PTGIR: variants seen among roughly 807,000 people sequenced by gnomAD.
PTGIR encodes the protein prostacyclin receptor.
Under a neutral mutation model 17.6 loss-of-function variants are expected in PTGIR, and 16 were observed. That is an observed-to-expected ratio of 0.91 (90% CI 0.61 to 1.38). The LOEUF (loss-of-function observed/expected upper bound fraction) is 1.38. PTGIR is among the 40% of genes most tolerant of loss of function. PTGIR has a pLI of 0.00. For synonymous variants in PTGIR, 274 were observed against 255.4 expected, an observed-to-expected ratio of 1.07 and a Z score of -0.69; for missense variants, 532 against 548.6, an observed-to-expected ratio of 0.97 and a Z score of 0.30.
At chr19:46,620,243 G>A (rs943146663), downstream of PTGIR, among the ~76,000 whole-genome samples, 21 of 152,142 alleles carry the variant, frequency 1.4e-4, no homozygotes, top group Non-Finnish European at 1.6e-4. Context: ...GGGACTACAG[G>A]TGTGCACCAC....
chr19:46,617,681 G>A (rs1306305540), downstream of PTGIR, among the ~76,000 whole-genome samples: 2 of 152,246 alleles, frequency 1.3e-5, no homozygotes, highest in East Asian at 3.9e-4. Flanking sequence ...ACAGAGAGAG[G>A]AGGTGAGCAC....
At chr19:46,617,422 G>C (rs1477027814), downstream of PTGIR, among the ~76,000 whole-genome samples, 1 of 152,156 alleles carries the variant, frequency 6.6e-6, no homozygotes, top group Non-Finnish European at 1.5e-5. Flanking sequence ...AGACACCCAG[G>C]TCAGAGGTGG....
At chr19:46,624,375 G>A in intron 1 of PTGIR, 138 bp from the exon 2 acceptor site, 2 of 676,680 alleles carry the variant, frequency 3.0e-6, no homozygotes, top group East Asian at 3.2e-5. Context: ...GTGTGTGCGG[G>A]TATGCAGTCC....
the PTGIR span, among the ~76,000 whole-genome samples, chr19:46,613,106 T>C: frequency 2.8e-5 from 4 of 141,600 alleles, no homozygotes; most frequent in South Asian, 9.3e-4. Flanking sequence ...TGCAATGGCA[T>C]GATCTCGGTT....
chr19:46,614,819 G>A, the PTGIR span, among the ~76,000 whole-genome samples: 2 of 152,212 alleles, frequency 1.3e-5, no homozygotes, highest in Non-Finnish European at 2.9e-5. Context: ...TCAGGAGTTC[G>A]AGACCAGCCT....
chr19:46,623,940 C>T lies in PTGIR; in HGVS notation c.286G>A (p.Ala96Thr), dbSNP rs926892602. Reference protein sequence around the residue: ...RGGPALCDAFAFAMTFFGLAS... With the variant: ...RGGPALCDAFTFAMTFFGLAS... Reference sequence around the variant, plus strand: ...AGGCCGAAGAAGGTCATGGCGAAGGCGAAGGCATCGCACAGGGCGGGGCCG... The same window carrying T: ...AGGCCGAAGAAGGTCATGGCGAAGGTGAAGGCATCGCACAGGGCGGGGCCG... The change falls in exon 2 of 3, where the codon GCC becomes ACC. Residue 96 changes from alanine (A) to threonine (T), a missense_variant. By Grantham distance (58) the Ala-to-Thr change is moderately conservative. Transcript: ENST00000291294. 2.5e-6 allele frequency: 4 copies of T among 1,596,584 alleles called. No individual in the cohort carries two copies. The highest frequency in any genetic ancestry group is 3.4e-6 in the Non-Finnish European group (4 of 1,171,106).
At chr19:46,618,545 C>T (rs1402493599), downstream of PTGIR, among the ~76,000 whole-genome samples, 4 of 151,984 alleles carry the variant, frequency 2.6e-5, no homozygotes, top group African/African-American at 7.3e-5. Flanking sequence ...GGGATCCTCC[C>T]GCCTCAGCCT....
downstream of PTGIR, among the ~76,000 whole-genome samples, chr19:46,619,547 A>G (rs12104346): frequency 8.5e-3 from 748 of 87,740 alleles, 8 homozygotes; most frequent in Non-Finnish European, 0.012. Context: ...GAAAGAAAGA[A>G]AGAGAGAGAG....
intron 1 of PTGIR, 152 bp from the exon 2 acceptor site, chr19:46,624,389 C>G (rs1338020133): frequency 1.8e-6 from 1 of 569,210 alleles, no homozygotes; most frequent in Non-Finnish European, 2.9e-6. Flanking sequence ...GCAGTCCTCT[C>G]CCCTCTGGCT....
chr19:46,621,968 A>C lies in PTGIR; in HGVS notation c.769-296T>G, dbSNP rs1430364469. 4.3e-5 allele frequency: 52 copies of C among 1,204,956 alleles called. No individual in the cohort carries two copies. The highest frequency in any genetic ancestry group is 5.2e-5 in the Non-Finnish European group (50 of 967,492). 74.6% of individuals were successfully genotyped at this position (1,204,956 alleles called of 1,614,324 possible). The stretch of plus-strand genomic sequence containing the variant: ...AGATTTTTGAGTATAACGTCCCTGC[A>C]AGAAGGTGGCGCCACCCGGCTGGGC... On this transcript the variant is annotated intron_variant, in intron 2 of 2. Transcript: ENST00000291294. The surrounding 1 kb of genome is among the most constrained non-coding windows in gnomAD (Gnocchi z 4.8).
At position 46,624,235 on chromosome 19, in the gene PTGIR, G is replaced by A; in HGVS notation, c.-10C>T. The A allele has an allele frequency of 7.0e-7, 1 of 1,428,284 alleles. No individual in the cohort carries two copies. Among genetic ancestry groups the A allele is most frequent in the Non-Finnish European group, 9.1e-7 (1 of 1,096,698 alleles). The allele number at this position is 1,428,284 out of a possible 1,614,324, so 88.5% of individuals were successfully genotyped here. ...TGCACGAATCCGCCATCCCAGGTCT[G>A]GGCTGGAGGGTTCCCAAGGTGGGGG... On this transcript the variant is annotated splice_region_variant and 5_prime_UTR_variant, in exon 2 of 3. Transcript: ENST00000291294.
At chr19:46,619,079 C>T (rs867229740), downstream of PTGIR, among the ~76,000 whole-genome samples, 1 of 152,138 alleles carries the variant, frequency 6.6e-6, no homozygotes, top group Non-Finnish European at 1.5e-5. Context: ...AGATTATGAT[C>T]AAAAGGAAAC....
At chr19:46,616,092 G>A (rs562512331), downstream of PTGIR, among the ~76,000 whole-genome samples, 10 of 152,136 alleles carry the variant, frequency 6.6e-5, no homozygotes, top group South Asian at 2.1e-3. Flanking sequence ...GTGAGCCACT[G>A]CGCACGACCT....
chr19:46,622,025 C>T (rs2122333360), intron 2 of PTGIR: 3 of 985,394 alleles, frequency 3.0e-6, no homozygotes, highest in Non-Finnish European at 3.6e-6. Flanking sequence ...TGCGGTGGTG[C>T]CTGTGTGTAT....
At chr19:46,613,341 T>C in the PTGIR span, among the ~76,000 whole-genome samples, 5 of 124,056 alleles carry the variant, frequency 4.0e-5, no homozygotes, top group Admixed American at 8.1e-5. Context: ...TCTTTTCGCC[T>C]CCCCCTACCC....
the PTGIR span, among the ~76,000 whole-genome samples, chr19:46,611,791 TCATTCTCCCTCGGGG>T: frequency 6.6e-6 from 1 of 152,254 alleles, no homozygotes. Flanking sequence ...AGGGCTCTTC[TCATTCTCCCTCGGGG>T]GAATGGGGAA....
chr19:46,615,389 A>G, the PTGIR span, among the ~76,000 whole-genome samples: 5 of 152,208 alleles, frequency 3.3e-5, no homozygotes, highest in African/African-American at 1.2e-4. Flanking sequence ...TTGGTATCCC[A>G]GGAGGGTCCT....
chr19:46,620,413 G>C, downstream of PTGIR: 5 of 980,710 alleles, frequency 5.1e-6, no homozygotes, highest in South Asian at 1.4e-4. Flanking sequence ...AGTATCTGTT[G>C]AATGAATGAA....
chr19:46,618,730 A>G (rs1271587750), downstream of PTGIR, among the ~76,000 whole-genome samples: 1 of 152,292 alleles, frequency 6.6e-6, no homozygotes, highest in East Asian at 1.9e-4. Context: ...AACCCTCACT[A>G]CTATCCAATT....
Sources: allele counts gnomAD v4.1 joint callset (sites outside exome capture counted in the v4.1 genomes callset), GRCh38; gene constraint gnomAD v4.1.1; non-coding constraint Gnocchi (gnomAD v3.1); transcripts MANE v1.5; gene names NCBI Gene and HGNC (gene_info 2026-07-23, HGNC 2026-07-21).